VTI1A: variants seen among roughly 807,000 people sequenced by gnomAD.
VTI1A encodes the protein vesicle transport through interaction with t-SNAREs homolog 1A.
Under a neutral mutation model 34.9 loss-of-function variants are expected in VTI1A, and 22 were observed. The ratio of observed to expected loss-of-function variants is 0.63; its 90% CI spans 0.45 to 0.90. The LOEUF (loss-of-function observed/expected upper bound fraction) is 0.90. VTI1A is among the 40% of genes least tolerant of loss of function. The pLI is 0.00. For missense variants in VTI1A, 268 were observed against 275.6 expected (o/e 0.97, Z 0.20); for synonymous variants, 87 against 97.3 (o/e 0.89, Z 0.62).
rs114452952 is a variant in VTI1A, at chr10:112,795,195, C to T, written c.561-20095C>T. ...TGCATGTGGTCTTTGACATCAGATC[C>T]GATTTTAAATACCAGCTTTTCCACC... On this transcript the variant is annotated intron_variant, in intron 7 of 7. Transcript: ENST00000393077. Among the ~76,000 whole-genome samples the T allele has an allele frequency of 7.1e-4, 108 of 152,192 alleles. 1 individual carries two copies. In the Middle Eastern group the frequency reaches 0.014, roughly 19 times the overall value.
intron 7 of VTI1A, among the ~76,000 whole-genome samples, chr10:112,810,576 G>A (rs772597913): frequency 3.9e-5 from 6 of 151,996 alleles, no homozygotes; most frequent in East Asian, 1.9e-4. Flanking sequence ...AGGTGACCCC[G>A]CATTTCAAGC....
At chr10:112,777,470 G>C (rs1408240805) in intron 7 of VTI1A, among the ~76,000 whole-genome samples, 1 of 152,238 alleles carries the variant, frequency 6.6e-6, no homozygotes, top group Non-Finnish European at 1.5e-5. Context: ...TATGCAGAAG[G>C]TTTATCCTTT....
chr10:112,768,076 T>TCCCTGC (rs1319998899), intron 7 of VTI1A, among the ~76,000 whole-genome samples: 1 of 152,212 alleles, frequency 6.6e-6, no homozygotes, highest in Non-Finnish European at 1.5e-5. Context: ...CCCCTCTCTG[T>TCCCTGC]CCCTGCCCCG....
At chr10:112,644,349 A>G (rs1216811325) in intron 5 of VTI1A, among the ~76,000 whole-genome samples, 1 of 152,232 alleles carries the variant, frequency 6.6e-6, no homozygotes, top group Non-Finnish European at 1.5e-5. Context: ...CTATGCCAGC[A>G]CTGTCAAAAT....
At chr10:112,692,496 T>C (rs1003627718) in intron 7 of VTI1A, among the ~76,000 whole-genome samples, 4 of 152,180 alleles carry the variant, frequency 2.6e-5, no homozygotes, top group Non-Finnish European at 5.9e-5. Context: ...ATGGCATCTC[T>C]TTTGATTTAC....
At chr10:112,453,081 G>T (rs1847300108) in intron 1 of VTI1A, among the ~76,000 whole-genome samples, 1 of 152,042 alleles carries the variant, frequency 6.6e-6, no homozygotes, top group South Asian at 2.1e-4. Context: ...CCTTGTTTCT[G>T]ATGACTTTAC....
At chr10:112,727,601 G>A (rs558975290) in intron 7 of VTI1A, among the ~76,000 whole-genome samples, 4 of 151,982 alleles carry the variant, frequency 2.6e-5, no homozygotes, top group East Asian at 1.9e-4. Flanking sequence ...TGAGGCTTTC[G>A]GGACGGTTTG....
At position 112,447,248 on chromosome 10, in the gene VTI1A, C is replaced by A. The variant is rs977202372; in HGVS notation, c.-126C>A. ...AGGAAGCGGCTGGGTTGAGAGCTGT[C>A]CCCGGTTCTCCGTTCTGCTCTCGGG... is the stretch of plus-strand genomic sequence containing the variant. On this transcript the variant is annotated 5_prime_UTR_variant, in exon 1 of 8. Coordinates refer to ENST00000393077, the MANE Select transcript of VTI1A (RefSeq NM_145206.4). The A allele has an allele frequency of 2.7e-5, 27 of 994,690 alleles. No individual in the cohort carries two copies. In the South Asian group the frequency reaches 3.8e-4, roughly 14 times the overall value. 61.6% of individuals were successfully genotyped at this position (994,690 alleles called of 1,614,324 possible).
rs140843805 is a variant in VTI1A, at chr10:112,600,345, A to T, written c.427+62015A>T. 1.3e-3 allele frequency among the ~76,000 whole-genome samples: 201 copies of T among 152,270 alleles called. 1 individual carries two copies. Among genetic ancestry groups the T allele is most frequent in the African/African-American group, 4.6e-3 (191 of 41,532 alleles). On this transcript the variant is annotated intron_variant, in intron 5 of 7. Coordinates refer to ENST00000393077, the MANE Select transcript of VTI1A (RefSeq NM_145206.4). ...GATCAAAACTGTCCAATGACTTCCCATCATATTTAGCATAAAATCTCGTCT... is the reference window on the plus strand; with the variant it reads ...GATCAAAACTGTCCAATGACTTCCCTTCATATTTAGCATAAAATCTCGTCT...
intron 5 of VTI1A, among the ~76,000 whole-genome samples, chr10:112,618,508 T>TAGAGAGAGAGAGAGAG (rs1360598727): frequency 3.2e-5 from 1 of 31,302 alleles, no homozygotes; most frequent in Non-Finnish European, 6.0e-5. Context: ...TATATATATA[T>TAGAGAGAGAGAGAGAG]ATATATATAT....
intron 7 of VTI1A, chr10:112,736,576 G>A (rs1590132948): frequency 1.6e-6 from 2 of 1,281,508 alleles, no homozygotes; most frequent in African/African-American, 1.5e-5. Flanking sequence ...CAAGGAAAAG[G>A]CATGACTCTG....
In VTI1A at chr10:112,735,290, T is replaced by A. The variant is rs373709028; in HGVS notation, c.560+66292T>A. Among the ~76,000 whole-genome samples, 21 of 152,352 alleles carry A rather than the reference T, an allele frequency of 1.4e-4. No individual in the cohort carries two copies. The East Asian group carries it at 2.1e-3, about 15-fold the overall frequency. On this transcript the variant is annotated intron_variant, in intron 7 of 7. Coordinates refer to ENST00000393077, the MANE Select transcript of VTI1A (RefSeq NM_145206.4). ...ATTTAGGCCAAATCCTGTACACTTGTTTCACTCAAAACAAAAATACAGATG... is the reference window on the plus strand; with the variant it reads ...ATTTAGGCCAAATCCTGTACACTTGATTCACTCAAAACAAAAATACAGATG...
intron 5 of VTI1A, among the ~76,000 whole-genome samples, chr10:112,604,543 A>G (rs931106214): frequency 6.6e-6 from 1 of 152,226 alleles, no homozygotes; most frequent in East Asian, 1.9e-4. Context: ...GGGCTTTCAT[A>G]TAACTTGAAA....
chr10:112,463,992 ATTTTG>A (rs1189314059), intron 2 of VTI1A, among the ~76,000 whole-genome samples: 1 of 152,060 alleles, frequency 6.6e-6, no homozygotes, highest in Non-Finnish European at 1.5e-5. Context: ...TGTATCTTTT[ATTTTG>A]TTTTATTTTA....
chr10:112,476,058 T>C (rs1199347401), intron 3 of VTI1A, among the ~76,000 whole-genome samples: 1 of 152,228 alleles, frequency 6.6e-6, no homozygotes, highest in African/African-American at 2.4e-5. Context: ...TTATTTTCCA[T>C]TCTTTTGATG....
At chr10:112,627,687 ATTAT>A (rs1205457323) in intron 5 of VTI1A, among the ~76,000 whole-genome samples, 2 of 152,188 alleles carry the variant, frequency 1.3e-5, no homozygotes, top group African/African-American at 4.8e-5. Context: ...TTATAATGAG[ATTAT>A]TTATTCAACA....
At chr10:112,489,816 G>A (rs539588419) in intron 3 of VTI1A, among the ~76,000 whole-genome samples, 162 of 152,288 alleles carry the variant, frequency 1.1e-3, no homozygotes, top group Non-Finnish European at 1.9e-3. Context: ...CTATATATAG[G>A]TAATTTACCT....
At chr10:112,610,707 G>C (rs1424478037) in intron 5 of VTI1A, among the ~76,000 whole-genome samples, 1 of 152,130 alleles carries the variant, frequency 6.6e-6, no homozygotes, top group Non-Finnish European at 1.5e-5. Flanking sequence ...ACGAGGTCAG[G>C]AGATTGAGAC....
intron 5 of VTI1A, among the ~76,000 whole-genome samples, chr10:112,597,693 C>CTTTTTTTTTTT (rs1180451909): frequency 3.3e-5 from 3 of 90,634 alleles, no homozygotes; most frequent in Non-Finnish European, 4.0e-5. Context: ...GACCTTGTCT[C>CTTTTTTTTTTT]TTTTTTTTTT....
Sources: gnomAD v4.1 joint callset for allele counts (sites outside exome capture counted in the v4.1 genomes callset) on GRCh38, gnomAD v4.1.1 for gene constraint, MANE v1.5 for transcripts, NCBI Gene and HGNC (gene_info 2026-07-23, HGNC 2026-07-21) for gene names.